Variants in SUGCT observed in about 807,000 individuals in gnomAD.
SUGCT encodes succinyl-CoA:glutarate-CoA transferase.
In SUGCT, 41 loss-of-function variants were observed where a neutral mutation model predicts 55.0. That is an observed-to-expected ratio of 0.74 (90% CI 0.58 to 0.97). The LOEUF is 0.97. Among genes scored for constraint, SUGCT ranks in the 50% least tolerant of loss-of-function variants. The pLI is 0.00. For missense variants in SUGCT, 568 were observed against 547.8 expected (o/e 1.04, Z -0.37); for synonymous variants, 187 against 200.4 (o/e 0.93, Z 0.56).
the SUGCT span, among the ~76,000 whole-genome samples, chr7:41,002,339 C>T: frequency 5.9e-5 from 9 of 152,112 alleles, no homozygotes; most frequent in Middle Eastern, 3.2e-3. Flanking sequence ...GAACTTTATC[C>T]TTTATCAAGA....
chr7:40,410,762 G>T (rs908275289), intron 9 of SUGCT, among the ~76,000 whole-genome samples: 1 of 152,118 alleles, frequency 6.6e-6, no homozygotes, highest in African/African-American at 2.4e-5. Flanking sequence ...ATGAAAATTT[G>T]TCTGGATATA....
At chr7:40,874,976 T>C in the SUGCT span, among the ~76,000 whole-genome samples, 1 of 152,268 alleles carries the variant, frequency 6.6e-6, no homozygotes, top group Non-Finnish European at 1.5e-5. Context: ...CATATGCCAC[T>C]CTGCCAAACG....
intron 9 of SUGCT, among the ~76,000 whole-genome samples, chr7:40,439,064 GTATATATATATATATATATATATATATA>G (rs1183426693): frequency 1.5e-4 from 4 of 27,194 alleles, no homozygotes; most frequent in East Asian, 2.1e-3. Context: ...TATATATGGT[GTATATATATATATATATATATATATATA>G]TATATATATA....
Position 40,448,924 on chromosome 7 carries a change from A to ATGTGTGTG in SUGCT, c.817-343_817-336dup, listed in dbSNP as rs778913706. Among the ~76,000 whole-genome samples the ATGTGTGTG allele has an allele frequency of 1.4e-4, 21 of 145,212 alleles. 1 individual carries two copies. Among genetic ancestry groups the ATGTGTGTG allele is most frequent in the African/African-American group, 4.8e-4 (19 of 39,448 alleles). On this transcript the variant is annotated intron_variant, in intron 9 of 13. Transcript: ENST00000335693. ...CACATATGTGTGTGTGTGTGTATAT[A>ATGTGTGTG]TGTGTGTGTGTGTGTGTGTGTGTGT...
the SUGCT span, among the ~76,000 whole-genome samples, chr7:41,028,339 T>C: frequency 6.6e-6 from 1 of 152,238 alleles, no homozygotes; most frequent in South Asian, 2.1e-4. Context: ...ATTGTTTCTG[T>C]CTAACACTAA....
intron 13 of SUGCT, among the ~76,000 whole-genome samples, chr7:40,763,768 G>A (rs975305431): frequency 2.6e-5 from 4 of 152,108 alleles, no homozygotes; most frequent in African/African-American, 9.7e-5. Context: ...TCTCTTTGTG[G>A]TCTTTGAAGC....
At chr7:40,584,571 C>T (rs1797276484) in intron 12 of SUGCT, among the ~76,000 whole-genome samples, 1 of 152,064 alleles carries the variant, frequency 6.6e-6, no homozygotes, top group African/African-American at 2.4e-5. Flanking sequence ...AAGTGTTTTC[C>T]CAGCCATTAT....
intron 9 of SUGCT, among the ~76,000 whole-genome samples, chr7:40,339,652 C>T (rs867430406): frequency 8.5e-5 from 13 of 152,158 alleles, no homozygotes; most frequent in East Asian, 1.9e-4. Context: ...GTCACAGCTT[C>T]GCTTGGCTAG....
the SUGCT span, among the ~76,000 whole-genome samples, chr7:40,932,980 G>A: frequency 6.6e-6 from 1 of 152,082 alleles, no homozygotes; most frequent in East Asian, 1.9e-4. Context: ...TCATTATGAT[G>A]TTCGCTGGTT....
chr7:40,162,062 A>G (rs1274181776), intron 1 of SUGCT, among the ~76,000 whole-genome samples: 1 of 151,718 alleles, frequency 6.6e-6, no homozygotes, highest in Non-Finnish European at 1.5e-5. Flanking sequence ...ATGCCCAGCT[A>G]ATTTTTTGTA....
At chr7:40,691,495 T>A (rs1480204397) in intron 12 of SUGCT, among the ~76,000 whole-genome samples, 1 of 152,038 alleles carries the variant, frequency 6.6e-6, no homozygotes, top group Non-Finnish European at 1.5e-5. Context: ...CTGGTGAGAG[T>A]GGAATCAGAT....
chr7:40,155,606 T>C (rs1160977909), intron 1 of SUGCT, among the ~76,000 whole-genome samples: 1 of 152,154 alleles, frequency 6.6e-6, no homozygotes, highest in African/African-American at 2.4e-5. Context: ...TCAAGTGACA[T>C]TGTATACAGA....
intron 6 of SUGCT, among the ~76,000 whole-genome samples, chr7:40,209,250 C>T (rs1476220653): frequency 6.6e-6 from 1 of 152,160 alleles, no homozygotes; most frequent in Non-Finnish European, 1.5e-5. Context: ...TGCCTGTAAT[C>T]CCAGCACTTT....
At chr7:40,842,362 G>T (rs918939998) in intron 13 of SUGCT, among the ~76,000 whole-genome samples, 1 of 151,984 alleles carries the variant, frequency 6.6e-6, no homozygotes, top group Non-Finnish European at 1.5e-5. Flanking sequence ...GAAATAATAA[G>T]CATTTTTTTA....
At chr7:40,286,264 G>A (rs1024704033) in intron 8 of SUGCT, among the ~76,000 whole-genome samples, 2 of 152,178 alleles carry the variant, frequency 1.3e-5, no homozygotes, top group Admixed American at 6.5e-5. Context: ...GATAACAGGG[G>A]CACTTGTGTT....
chr7:40,153,385 T>G, intron 1 of SUGCT: 1 of 372,362 alleles, frequency 2.7e-6, no homozygotes, highest in South Asian at 2.5e-5. Context: ...TTAAGGCTAT[T>G]TTAAGTGGAA....
At chr7:40,620,836 A>G (rs1420813172) in intron 12 of SUGCT, among the ~76,000 whole-genome samples, 1 of 152,236 alleles carries the variant, frequency 6.6e-6, no homozygotes, top group African/African-American at 2.4e-5. Flanking sequence ...CCTCACTGTT[A>G]GCTAAATAGC....
the SUGCT span, among the ~76,000 whole-genome samples, chr7:40,942,075 G>A: frequency 6.6e-6 from 1 of 152,012 alleles, no homozygotes; most frequent in African/African-American, 2.4e-5. Context: ...TTAATATTGA[G>A]ATATAAAGTA....
chr7:40,454,512 C>G (rs1789367289), intron 10 of SUGCT, among the ~76,000 whole-genome samples: 1 of 152,118 alleles, frequency 6.6e-6, no homozygotes, highest in African/African-American at 2.4e-5. Context: ...CCTATTCCTC[C>G]TAGGCTATAA....
Sources: allele counts gnomAD v4.1 joint callset (sites outside exome capture counted in the v4.1 genomes callset), GRCh38; gene constraint gnomAD v4.1.1; transcripts MANE v1.5; gene names NCBI Gene and HGNC (gene_info 2026-07-23, HGNC 2026-07-21).